The following VASN variants were observed in gnomAD, a reference collection of about 807,000 sequenced individuals.
VASN encodes the protein vasorin.
VASN carries 5 observed loss-of-function variants against 4.8 expected under a neutral mutation model. That is an observed-to-expected ratio of 1.03 (90% confidence interval 0.54 to 2.17). The LOEUF (loss-of-function observed/expected upper bound fraction) is 2.17, where lower values mean the gene tolerates loss of function less well. VASN is among the 30% of genes most tolerant of loss of function. VASN has a pLI of 0.01. For synonymous variants in VASN, 499 were observed against 460.8 expected, an observed-to-expected ratio of 1.08 and a Z score of -1.06; for missense variants, 927 against 948.8, an observed-to-expected ratio of 0.98 and a Z score of 0.30.
At chr16:4,375,709 C>T (rs1352420133) in intron 1 of VASN, among the ~76,000 whole-genome samples, 3 of 152,180 alleles carry the variant, frequency 2.0e-5, no homozygotes, top group Non-Finnish European at 2.9e-5. Context: ...AGGATGGTCT[C>T]GATCTCCTGA....
chr16:4,379,310 G>A (rs975477322), intron 1 of VASN, among the ~76,000 whole-genome samples: 2 of 152,080 alleles, frequency 1.3e-5, no homozygotes, highest in African/African-American at 2.4e-5. Context: ...GACTTCTAGG[G>A]GTGCCAAAGT....
chr16:4,378,191 A>G (rs905967107), intron 1 of VASN, among the ~76,000 whole-genome samples: 1 of 152,148 alleles, frequency 6.6e-6, no homozygotes, highest in Non-Finnish European at 1.5e-5. Flanking sequence ...TGTCCCAGAT[A>G]CTCAGATGAA....
At position 4,381,645 on chromosome 16, in the gene VASN, G is replaced by A; in HGVS notation, c.768G>A (p.Arg256=). 2 of 1,600,946 alleles carry A rather than the reference G, an allele frequency of 1.2e-6. No individual in the cohort carries two copies. The highest frequency in any genetic ancestry group is 1.7e-6 in the Non-Finnish European group (2 of 1,174,588). ...GCAACACCCGCATTGCCCAGCTGCG[G>A]CCCGAGGACCTGGCCGGCCTGGCTG... ...LAGNTRIAQL[R]PEDLAGLAAL... is the part of the protein sequence containing the mutation. The change falls in exon 2 of 2, where the codon CGG becomes CGA. Residue 256 remains arginine, a synonymous_variant. Transcript: ENST00000304735.
rs562159287 is a variant in VASN at position 4,382,641 on chromosome 16, C to T, written c.1764C>T (p.Ala588=). The change falls in exon 2 of 2, where the codon GCC becomes GCT. Residue 588 remains alanine (A), a synonymous_variant. Transcript: ENST00000304735. ...CCGCCCTGGCCGCGGTGCTCCTGGC[C>T]GCGCTGGCTGCGGTGGGGGCAGCCT... The part of the protein sequence containing the change: ...IAPALAAVLL[A]ALAAVGAAYC... The T allele has an allele frequency of 1.8e-4, 284 of 1,559,322 alleles. 1 individual carries two copies. The highest frequency in any genetic ancestry group is 2.4e-4 in the East Asian group (10 of 41,584).
chr16:4,376,242 G>C (rs953302669), intron 1 of VASN, among the ~76,000 whole-genome samples: 1 of 152,208 alleles, frequency 6.6e-6, no homozygotes, highest in Non-Finnish European at 1.5e-5. Context: ...GGACCCAGCC[G>C]GGCCCTGAGC....
intron 1 of VASN, among the ~76,000 whole-genome samples, chr16:4,379,559 T>A (rs919763137): frequency 5.3e-5 from 8 of 152,126 alleles, no homozygotes; most frequent in African/African-American, 1.9e-4. Flanking sequence ...TCCCTGCACC[T>A]CCATGAGCCC....
rs1265590036 is a variant in VASN at position 4,381,445 on chromosome 16, G to A, written c.568G>A (p.Asp190Asn). The change falls in exon 2 of 2, where the codon GAC (aspartate) becomes AAC (asparagine). Residue 190 changes from aspartate (D) to asparagine (N), a missense_variant. Transcript: ENST00000304735. ...SLLALEPGIL[D>N]TANVEALRLA... ...CCTGGCCCTGGAGCCCGGCATCCTG[G>A]ACACTGCCAACGTGGAGGCGCTGCG... is the stretch of plus-strand genomic sequence containing the variant. 1 of 1,580,542 alleles carries A rather than the reference G, an allele frequency of 6.3e-7. No homozygotes were observed. The highest frequency in any genetic ancestry group is 8.6e-7 in the Non-Finnish European group (1 of 1,165,084).
chr16:4,378,542 A>T (rs1273930778), intron 1 of VASN, among the ~76,000 whole-genome samples: 1 of 152,108 alleles, frequency 6.6e-6, no homozygotes, highest in African/African-American at 2.4e-5. Context: ...CCTCTGAGTC[A>T]GTGAGGGTGG....
At chr16:4,378,586 T>C (rs1049704461) in intron 1 of VASN, among the ~76,000 whole-genome samples, 1 of 151,944 alleles carries the variant, frequency 6.6e-6, no homozygotes, top group African/African-American at 2.4e-5. Context: ...AGGCTAGGGG[T>C]GTGGCCCCAG....
chr16:4,379,361 A>G (rs2054870020), intron 1 of VASN, among the ~76,000 whole-genome samples: 1 of 152,038 alleles, frequency 6.6e-6, no homozygotes, highest in African/African-American at 2.4e-5. Context: ...CGGTCTCCCC[A>G]GGAGTCTAGG....
chr16:4,382,452 G>T lies in VASN; in HGVS notation c.1575G>T (p.Leu525=). The T allele has an allele frequency of 6.2e-7, 1 of 1,608,996 alleles. No homozygotes were observed. The highest frequency in any genetic ancestry group is 8.5e-7 in the Non-Finnish European group (1 of 1,178,138). The part of the protein sequence containing the change: ...ASLAEYTVTQ[L]RPNATYSVCV... ...TCGCTGAGTACACGGTCACCCAGCT[G>T]CGGCCCAACGCCACTTACTCCGTCT... is the stretch of plus-strand genomic sequence containing the variant. Residue 525 remains leucine (L), a synonymous_variant, in exon 2 of 2, where the codon CTG becomes CTT. Coordinates refer to ENST00000304735, the MANE Select transcript of VASN (RefSeq NM_138440.3).
Position 4,381,426 on chromosome 16 carries a change from C to T in VASN, c.549C>T (p.Ala183=). Residue 183 remains alanine (A), a synonymous_variant, in exon 2 of 2, where the codon GCC becomes GCT. Coordinates refer to ENST00000304735, the MANE Select transcript of VASN (RefSeq NM_138440.3). The part of the protein sequence containing the change: ...LLDLSHNSLL[A]LEPGILDTAN... ...ACCTCAGCCACAACAGCCTCCTGGC[C>T]CTGGAGCCCGGCATCCTGGACACTG... is the stretch of plus-strand genomic sequence containing the variant. The T allele has an allele frequency of 2.5e-6, 4 of 1,581,748 alleles. No individual in the cohort carries two copies. The highest frequency in any genetic ancestry group is 3.4e-6 in the Non-Finnish European group (4 of 1,165,848).
Position 4,383,063 on chromosome 16 carries a change from C to G in VASN, c.*164C>G, listed in dbSNP as rs2055059271. 1.3e-6 allele frequency: 1 copy of G among 762,908 alleles called. No homozygotes were observed. The highest frequency in any genetic ancestry group is 3.6e-5 in the Admixed American group (1 of 27,630). 47.3% of individuals were successfully genotyped at this position (762,908 alleles called of 1,614,324 possible). A position where few individuals can be genotyped will look rare whatever the true frequency, so the allele number is the denominator to read the frequency against. ...CCTGTTCCCTCTGGACCTCGGTCTC[C>G]TCATCTGTGAGATGCTGTGGCCCAG... On this transcript the variant is annotated 3_prime_UTR_variant, in exon 2 of 2. Coordinates refer to ENST00000304735, the MANE Select transcript of VASN (RefSeq NM_138440.3).
chr16:4,376,134 G>A (rs577023961), intron 1 of VASN, among the ~76,000 whole-genome samples: 1 of 152,284 alleles, frequency 6.6e-6, no homozygotes, highest in South Asian at 2.1e-4. Flanking sequence ...AGGAACTCGA[G>A]GCCCAGCCCT....
rs1354116225 is a variant in VASN, at chr16:4,381,487, C to T, written c.610C>T (p.Leu204=). 1.3e-6 allele frequency: 2 copies of T among 1,586,466 alleles called. No homozygotes were observed. Among genetic ancestry groups the T allele is most frequent in the Admixed American group, 1.8e-5 (1 of 56,166 alleles). The change falls in exon 2 of 2, where the codon CTG becomes TTG. Residue 204 remains leucine (L), a synonymous_variant. Coordinates refer to ENST00000304735, the MANE Select transcript of VASN (RefSeq NM_138440.3). Reference sequence around the variant, plus strand: ...GGCGCTGCGGCTGGCTGGTCTGGGGCTGCAGCAGCTGGACGAGGGGCTCTT... The same window carrying T: ...GGCGCTGCGGCTGGCTGGTCTGGGGTTGCAGCAGCTGGACGAGGGGCTCTT... ...VEALRLAGLG[L]QQLDEGLFSR...
intron 1 of VASN, among the ~76,000 whole-genome samples, chr16:4,375,860 T>C (rs1292880119): frequency 1.3e-5 from 2 of 152,150 alleles, no homozygotes; most frequent in African/African-American, 4.8e-5. Flanking sequence ...TCCTGGATGA[T>C]TCTGATGTGC....
intron 1 of VASN, among the ~76,000 whole-genome samples, chr16:4,374,586 GCCCTGGGCCC>G (rs2054652804): frequency 6.6e-6 from 1 of 152,152 alleles, no homozygotes; most frequent in Non-Finnish European, 1.5e-5. Context: ...GCCCCTGCTG[GCCCTGGGCCC>G]CGAGCCCGGC....
chr16:4,380,243 C>T (rs2054905656), intron 1 of VASN, among the ~76,000 whole-genome samples: 1 of 152,206 alleles, frequency 6.6e-6, no homozygotes, highest in African/African-American at 2.4e-5. Flanking sequence ...TGCCTGTGGC[C>T]TCTGCCCCTC....
At chr16:4,374,759 T>TG (rs1031418038) in intron 1 of VASN, among the ~76,000 whole-genome samples, 5 of 151,576 alleles carry the variant, frequency 3.3e-5, no homozygotes, top group African/African-American at 4.9e-5. Flanking sequence ...TGGGTGATTG[T>TG]GGGGGGTTCG....
Sources: gnomAD v4.1 joint callset for allele counts (sites outside exome capture counted in the v4.1 genomes callset) on GRCh38, gnomAD v4.1.1 for gene constraint, MANE v1.5 for transcripts, NCBI Gene and HGNC (gene_info 2026-07-23, HGNC 2026-07-21) for gene names.